The following ILDR1 variants were observed in gnomAD, a reference collection of about 807,000 sequenced individuals.
The protein encoded by ILDR1 is immunoglobulin like domain containing receptor 1.
Under a neutral mutation model 62.4 loss-of-function variants are expected in ILDR1, and 56 were observed. The ratio of observed to expected loss-of-function variants is 0.90; its 90% CI spans 0.72 to 1.12. The LOEUF (loss-of-function observed/expected upper bound fraction) is 1.12, where lower values mean the gene tolerates loss of function less well. ILDR1 is among the 50% of genes most tolerant of loss of function. ILDR1 has a pLI of 0.00. For missense variants in ILDR1, 736 were observed against 710.6 expected (o/e 1.04, Z -0.41); for synonymous variants, 284 against 277.8 (o/e 1.02, Z -0.22).
the ILDR1 span, chr3:122,055,439 C>G: frequency 6.3e-7 from 1 of 1,596,386 alleles, no homozygotes; most frequent in Non-Finnish European, 8.6e-7. Context: ...CACAGACACA[C>G]GGATGAGTGG....
rs1291201509 is a variant in ILDR1, at chr3:122,005,334, G to A, written c.289C>T (p.Arg97Trp). ...DPSNDCNDNQ[R>W]EVRIVAQRRG... ...CGCTGGGCCACTATGCGAACTTCCC[G>A]CTGGTTGTCGTTGCAGTCATTGGAT... Residue 97 changes from arginine (R) to tryptophan (W), a missense_variant, in exon 3 of 8, where the codon CGG (arginine) becomes TGG (tryptophan). Arg to Trp is a moderately radical substitution (Grantham distance 101). Transcript: ENST00000344209. The A allele has an allele frequency of 3.1e-6, 5 of 1,613,950 alleles. No homozygotes were observed. The South Asian group carries it at 4.4e-5, about 14-fold the overall frequency.
chr3:122,050,323 C>G, the ILDR1 span, among the ~76,000 whole-genome samples: 1 of 152,050 alleles, frequency 6.6e-6, no homozygotes, highest in Non-Finnish European at 1.5e-5. Flanking sequence ...TGTGTTGTAG[C>G]TATTCTGTTG....
chr3:122,007,383 A>G (rs1254754127), intron 1 of ILDR1: 1 of 852,860 alleles, frequency 1.2e-6, no homozygotes, highest in East Asian at 2.8e-5. Flanking sequence ...AGGAGTGAGG[A>G]AAACTCCCAG....
At chr3:121,993,057 G>T in intron 7 of ILDR1, 93 bp downstream of exon 7, 1 of 1,048,714 alleles carries the variant, frequency 9.5e-7, no homozygotes, top group Non-Finnish European at 1.5e-6. Flanking sequence ...CTCTGTGGTG[G>T]AATGAGAGGC....
chr3:122,029,893 A>C, the ILDR1 span, among the ~76,000 whole-genome samples: 2 of 152,198 alleles, frequency 1.3e-5, no homozygotes, highest in African/African-American at 4.8e-5. Flanking sequence ...TTTAATCTAC[A>C]AAATGGAAAC....
chr3:122,006,856 A>T (rs11924058), intron 2 of ILDR1, 135 bp downstream of exon 2: 1 of 860,902 alleles, frequency 1.2e-6, no homozygotes, highest in Non-Finnish European at 1.8e-6. Flanking sequence ...AAAACAGAGG[A>T]ACTACATTAG....
chr3:122,022,058 G>T lies in ILDR1; in HGVS notation c.20C>A (p.Pro7His), dbSNP rs2071865161. Residue 7 changes from proline to histidine, a missense_variant, in exon 1 of 8, where the codon CCC becomes CAC. By Grantham distance (77) the Pro-to-His change is moderately conservative. Transcript: ENST00000344209. ...GGTGCAGAGCAGCAGCCAAGGTGCG[G>T]GCAGTTTGGGCCATGCCATGCCGCC... MAWPKLPAPWLLLCTWL... is the reference protein window; with the variant it reads MAWPKLHAPWLLLCTWL... 5.0e-6 allele frequency: 8 copies of T among 1,610,720 alleles called. No homozygotes were observed. Among genetic ancestry groups the T allele is most frequent in the Non-Finnish European group, 5.9e-6 (7 of 1,178,586 alleles).
At chr3:122,051,726 A>AAACAAC in the ILDR1 span, among the ~76,000 whole-genome samples, 2 of 152,036 alleles carry the variant, frequency 1.3e-5, no homozygotes, top group African/African-American at 2.4e-5. Flanking sequence ...ACACACAAAC[A>AAACAAC]AACAACAACA....
At chr3:122,047,191 G>A in the ILDR1 span, among the ~76,000 whole-genome samples, 1 of 151,034 alleles carries the variant, frequency 6.6e-6, no homozygotes, top group Non-Finnish European at 1.5e-5. Context: ...TGAGGTGTCA[G>A]TGTGCCCCTG....
rs1017459043 is a variant in ILDR1 at position 121,993,824 on chromosome 3, T to C, written c.925A>G (p.Arg309Gly). ...AQPLPPDLKG[R>G]FGHPCSMLSS... ...AGCATGCTGCAGGGATGGCCAAATC[T>C]GCCTTTGAGGTCAGGGGGCAGAGGC... is the stretch of plus-strand genomic sequence containing the variant. Residue 309 changes from arginine (R) to glycine (G), a missense_variant, in exon 7 of 8, where the codon AGA becomes GGA. Arg to Gly is a moderately radical substitution (Grantham distance 125). Coordinates refer to ENST00000344209, the MANE Select transcript of ILDR1 (RefSeq NM_001199799.2). 2 of 1,614,020 alleles carry C rather than the reference T, an allele frequency of 1.2e-6. No individual in the cohort carries two copies. Among genetic ancestry groups the C allele is most frequent in the African/African-American group, 2.7e-5 (2 of 74,888 alleles).
intron 1 of ILDR1, 42 bp downstream of exon 1, chr3:122,021,978 T>C (rs771393788): frequency 8.9e-6 from 14 of 1,574,466 alleles, no homozygotes; most frequent in Non-Finnish European, 1.7e-6. Flanking sequence ...TGGCTTCCTG[T>C]CTCCTTGGGT....
intron 1 of ILDR1, among the ~76,000 whole-genome samples, chr3:122,010,603 GTGTTTTT>G (rs1279982860): frequency 6.6e-6 from 1 of 152,036 alleles, no homozygotes; most frequent in East Asian, 1.9e-4. Flanking sequence ...ACCCCTTTGT[GTGTTTTT>G]TGTTTTTTGT....
At chr3:122,007,985 A>G (rs2071641804) in intron 1 of ILDR1, among the ~76,000 whole-genome samples, 2 of 152,182 alleles carry the variant, frequency 1.3e-5, no homozygotes, top group Non-Finnish European at 2.9e-5. Flanking sequence ...GTGGGCTCAG[A>G]GAAAAACGCA....
intron 5 of ILDR1, among the ~76,000 whole-genome samples, chr3:122,000,798 A>AAT (rs1365386200): frequency 6.6e-6 from 1 of 152,176 alleles, no homozygotes; most frequent in African/African-American, 2.4e-5. Context: ...ATCAGAATTG[A>AAT]GTTAAATTAT....
chr3:122,026,806 T>G (rs1411837250), upstream of ILDR1, among the ~76,000 whole-genome samples: 2 of 152,198 alleles, frequency 1.3e-5, no homozygotes, highest in Non-Finnish European at 2.9e-5. Context: ...TATTTAACAT[T>G]ATACTGGATA....
the ILDR1 span, among the ~76,000 whole-genome samples, chr3:122,051,928 A>G: frequency 2.0e-5 from 3 of 152,028 alleles, no homozygotes; most frequent in Admixed American, 1.3e-4. Flanking sequence ...TTAAGAGTTC[A>G]TTATCTCTTG....
chr3:122,023,132 TTATTCTAA>T, upstream of ILDR1, among the ~76,000 whole-genome samples: 1 of 151,244 alleles, frequency 6.6e-6, no homozygotes, highest in South Asian at 2.1e-4. Context: ...ATTCTATTAT[TTATTCTAA>T]TATTCTAATG....
chr3:122,016,762 T>A (rs2071782403), intron 1 of ILDR1, among the ~76,000 whole-genome samples: 1 of 152,216 alleles, frequency 6.6e-6, no homozygotes, highest in African/African-American at 2.4e-5. Context: ...TTAACTCAGG[T>A]AGGTTTAACC....
At chr3:122,026,089 G>A (rs192128698), upstream of ILDR1, among the ~76,000 whole-genome samples, 104 of 152,286 alleles carry the variant, frequency 6.8e-4, no homozygotes, top group African/African-American at 2.4e-3. Flanking sequence ...TTGCTAGGCT[G>A]GTGTGTTAGA....
Sources: gnomAD v4.1 joint callset for allele counts (sites outside exome capture counted in the v4.1 genomes callset) on GRCh38, gnomAD v4.1.1 for gene constraint, MANE v1.5 for transcripts, NCBI Gene and HGNC (gene_info 2026-07-23, HGNC 2026-07-21) for gene names.